Variants in NDUFAF2 observed in about 807,000 individuals in gnomAD.
NDUFAF2 encodes the protein NADH dehydrogenase [ubiquinone] 1 alpha subcomplex assembly factor 2.
Under a neutral mutation model 22.8 loss-of-function variants are expected in NDUFAF2, and 13 were observed. The ratio of observed to expected loss-of-function variants is 0.57; its 90% CI spans 0.37 to 0.91. NDUFAF2 has a LOEUF of 0.91. Among genes scored for constraint, NDUFAF2 ranks in the 40% least tolerant of loss-of-function variants. NDUFAF2 has a pLI of 0.01. For missense variants in NDUFAF2, 162 were observed against 195.2 expected (o/e 0.83, Z 1.01); for synonymous variants, 53 against 64.2 (o/e 0.83, Z 0.84).
chr5:61,072,574 A>G (rs1289596611), intron 1 of NDUFAF2, among the ~76,000 whole-genome samples: 1 of 152,082 alleles, frequency 6.6e-6, no homozygotes, highest in Non-Finnish European at 1.5e-5. Flanking sequence ...TGTACATTAA[A>G]TCTAGATTTA....
chr5:61,106,642 T>C (rs1188533836), intron 3 of NDUFAF2, among the ~76,000 whole-genome samples: 1 of 151,204 alleles, frequency 6.6e-6, no homozygotes, highest in East Asian at 1.9e-4. Flanking sequence ...TTTTATTCAT[T>C]CTATCTAATT....
intron 1 of NDUFAF2, among the ~76,000 whole-genome samples, chr5:60,973,101 ACT>A (rs1054353033): frequency 1.3e-5 from 2 of 151,982 alleles, no homozygotes; most frequent in Non-Finnish European, 2.9e-5. Flanking sequence ...GTTGTCTTGC[ACT>A]CTGATCCTTG....
Position 61,067,108 on chromosome 5 carries a change from G to A in NDUFAF2, c.128-6017G>A, listed in dbSNP as rs115446091. 3.6e-3 allele frequency among the ~76,000 whole-genome samples: 549 copies of A among 152,116 alleles called. 7 individuals are homozygous for A. The highest frequency in any genetic ancestry group is 0.013 in the African/African-American group (522 of 41,504). On this transcript the variant is annotated intron_variant, in intron 1 of 3. Coordinates refer to ENST00000296597, the MANE Select transcript of NDUFAF2 (RefSeq NM_174889.5). The stretch of plus-strand genomic sequence containing the variant: ...AGTTGCTCTTGCGACACACAAAAAG[G>A]GATAACTGTGAGATGATGTATATTT...
At position 60,998,977 on chromosome 5, in the gene NDUFAF2, G is replaced by A. The variant is rs532230580; in HGVS notation, c.127+53595G>A. On this transcript the variant is annotated intron_variant, in intron 1 of 3. Coordinates refer to ENST00000296597, the MANE Select transcript of NDUFAF2 (RefSeq NM_174889.5). ...AAGTATGAAGCTACTTCCTATGGTA[G>A]AGAAAATGGAATTGGAGGCTTTCAG... Among the ~76,000 whole-genome samples, 11 of 152,070 alleles carry A rather than the reference G, an allele frequency of 7.2e-5. No homozygotes were observed. In the South Asian group the frequency reaches 2.3e-3, roughly 32 times the overall value.
Position 61,127,910 on chromosome 5 carries a change from A to C in NDUFAF2, c.259-24794A>C, listed in dbSNP as rs964097030. ...CTAGAAAACCCCATTGTCTCAGCCC[A>C]AAATCTCCTTAAGCTGATAAGCAGC... On this transcript the variant is annotated intron_variant, in intron 3 of 3. Coordinates refer to ENST00000296597, the MANE Select transcript of NDUFAF2 (RefSeq NM_174889.5). Among the ~76,000 whole-genome samples the C allele has an allele frequency of 3.3e-5, 5 of 152,206 alleles. No individual in the cohort carries two copies. In the East Asian group the frequency reaches 9.6e-4, roughly 29 times the overall value.
chr5:61,073,954 A>G (rs1752334085), intron 2 of NDUFAF2, among the ~76,000 whole-genome samples: 1 of 152,242 alleles, frequency 6.6e-6, no homozygotes, highest in African/African-American at 2.4e-5. Context: ...TCACAATGAG[A>G]AGTACATAGA....
intron 3 of NDUFAF2, among the ~76,000 whole-genome samples, chr5:61,120,092 C>A (rs568318185): frequency 2.0e-5 from 3 of 151,984 alleles, no homozygotes; most frequent in Non-Finnish European, 2.9e-5. Context: ...ACTTAACTAC[C>A]GTAATAAATA....
chr5:61,097,965 T>G (rs986838746), intron 2 of NDUFAF2, among the ~76,000 whole-genome samples: 2 of 152,194 alleles, frequency 1.3e-5, no homozygotes, highest in African/African-American at 4.8e-5. Flanking sequence ...GATAAAACAG[T>G]GGCCTTCAAG....
At chr5:61,040,286 A>ACACACACACGCG (rs1491193758) in intron 1 of NDUFAF2, among the ~76,000 whole-genome samples, 131 of 93,068 alleles carry the variant, frequency 1.4e-3, no homozygotes, top group African/African-American at 4.2e-3. Flanking sequence ...ACACACACAC[A>ACACACACACGCG]CGCGCGCGCG....
intron 3 of NDUFAF2, among the ~76,000 whole-genome samples, chr5:61,109,013 G>C (rs1003372408): frequency 6.6e-6 from 1 of 152,022 alleles, no homozygotes; most frequent in African/African-American, 2.4e-5. Context: ...TATTTTGATA[G>C]GATTTGCATT....
chr5:61,069,216 T>G, intron 1 of NDUFAF2, among the ~76,000 whole-genome samples: 1 of 151,924 alleles, frequency 6.6e-6, no homozygotes, highest in East Asian at 1.9e-4. Flanking sequence ...AACTACAGGA[T>G]TTTTTGAAAT....
At chr5:61,104,059 G>C (rs1348497584) in intron 3 of NDUFAF2, among the ~76,000 whole-genome samples, 2 of 152,156 alleles carry the variant, frequency 1.3e-5, no homozygotes, top group Admixed American at 1.3e-4. Flanking sequence ...TATAATGTTT[G>C]GTAGGTTAAG....
At chr5:61,024,390 G>T (rs775052912) in intron 1 of NDUFAF2, among the ~76,000 whole-genome samples, 2 of 151,920 alleles carry the variant, frequency 1.3e-5, no homozygotes, top group Non-Finnish European at 2.9e-5. Context: ...GCCAAAGGAC[G>T]TTCTAGGTGA....
rs1158990008 is a variant in NDUFAF2 at position 60,974,339 on chromosome 5, C to A, written c.127+28957C>A. ...TTTGCCAGGGGCTTTTGGGCCTTTG[C>A]CACAGACTGAAGGCTACACTGTCAG... On this transcript the variant is annotated intron_variant, in intron 1 of 3. Transcript: ENST00000296597. Among the ~76,000 whole-genome samples the A allele has an allele frequency of 2.0e-5, 3 of 152,304 alleles. No individual in the cohort carries two copies. The East Asian group carries it at 5.8e-4, about 29-fold the overall frequency.
intron 1 of NDUFAF2, among the ~76,000 whole-genome samples, chr5:61,006,497 A>T (rs547842427): frequency 6.6e-6 from 1 of 152,242 alleles, no homozygotes; most frequent in Non-Finnish European, 1.5e-5. Context: ...TGGTAGCTTG[A>T]TGGGGATGGC....
intron 3 of NDUFAF2, among the ~76,000 whole-genome samples, chr5:61,109,021 A>G (rs187944226): frequency 6.6e-6 from 1 of 152,152 alleles, no homozygotes; most frequent in Non-Finnish European, 1.5e-5. Flanking sequence ...TAGGATTTGC[A>G]TTGAATCTGT....
intron 3 of NDUFAF2, among the ~76,000 whole-genome samples, chr5:61,106,924 G>T (rs141356222): frequency 6.6e-6 from 1 of 150,924 alleles, no homozygotes; most frequent in Non-Finnish European, 1.5e-5. Flanking sequence ...TTCTTTATCA[G>T]TTGATCTGTT....
At chr5:61,064,185 A>G (rs1339159011) in intron 1 of NDUFAF2, among the ~76,000 whole-genome samples, 2 of 152,142 alleles carry the variant, frequency 1.3e-5, no homozygotes, top group East Asian at 3.8e-4. Context: ...TCAATTAATG[A>G]AGAGGACATA....
intron 1 of NDUFAF2, among the ~76,000 whole-genome samples, chr5:60,947,843 T>C (rs544068716): frequency 1.3e-5 from 2 of 151,894 alleles, no homozygotes; most frequent in South Asian, 4.2e-4. Flanking sequence ...TTCATTTATA[T>C]AGAGATACAA....
Sources: allele counts gnomAD v4.1 joint callset (sites outside exome capture counted in the v4.1 genomes callset), GRCh38; gene constraint gnomAD v4.1.1; transcripts MANE v1.5; gene names NCBI Gene and HGNC (gene_info 2026-07-23, HGNC 2026-07-21).